SRPK2: variants seen among roughly 807,000 people sequenced by gnomAD.
SRPK2 encodes SRSF protein kinase 2.
SRPK2 carries 21 observed loss-of-function variants against 90.8 expected under a neutral mutation model. The observed-to-expected ratio is 0.23, with a 90% CI of 0.16 to 0.33. SRPK2 has a LOEUF of 0.33. Among genes scored for constraint, SRPK2 ranks in the 10% least tolerant of loss-of-function variants. The pLI is 1.00. For missense variants in SRPK2, 620 were observed against 869.0 expected, an observed-to-expected ratio of 0.71 and a Z score of 3.60; for synonymous variants, 288 against 311.1, an observed-to-expected ratio of 0.93 and a Z score of 0.78.
intron 2 of SRPK2, among the ~76,000 whole-genome samples, chr7:105,307,950 T>G (rs1001701838): frequency 6.6e-6 from 1 of 152,198 alleles, no homozygotes; most frequent in South Asian, 2.1e-4. Flanking sequence ...GATTCCATCA[T>G]GTATCTCCTA....
At chr7:105,260,264 C>A (rs996518972) in intron 2 of SRPK2, among the ~76,000 whole-genome samples, 7 of 152,106 alleles carry the variant, frequency 4.6e-5, no homozygotes, top group African/African-American at 1.7e-4. Context: ...TTTATGCAGC[C>A]AGAAGACACA....
intron 1 of SRPK2, among the ~76,000 whole-genome samples, chr7:105,398,954 T>A (rs1822399517): frequency 6.6e-6 from 1 of 152,216 alleles, no homozygotes; most frequent in South Asian, 2.1e-4. Flanking sequence ...ATAAAATACT[T>A]GGAGGAGTAC....
intron 7 of SRPK2, among the ~76,000 whole-genome samples, chr7:105,155,135 C>G (rs1415323894): frequency 6.6e-6 from 1 of 152,140 alleles, no homozygotes; most frequent in Non-Finnish European, 1.5e-5. Flanking sequence ...TATGTGCCAC[C>G]ACTCCCAGCT....
chr7:105,224,887 T>A (rs569999591), intron 2 of SRPK2, among the ~76,000 whole-genome samples: 2 of 152,344 alleles, frequency 1.3e-5, no homozygotes, highest in African/African-American at 4.8e-5. Flanking sequence ...GTTAAACTTC[T>A]CATGATAAAA....
At chr7:105,138,062 C>T (rs1158260627) in intron 11 of SRPK2, among the ~76,000 whole-genome samples, 1 of 152,188 alleles carries the variant, frequency 6.6e-6, no homozygotes, top group Non-Finnish European at 1.5e-5. Context: ...CTCTTCAAGA[C>T]CTCCAGTTTC....
In SRPK2 at chr7:105,215,360, G is replaced by A. The variant is rs1001356915; in HGVS notation, c.72-11575C>T. 9.2e-5 allele frequency among the ~76,000 whole-genome samples: 14 copies of A among 152,004 alleles called. 1 individual carries two copies. Among genetic ancestry groups the A allele is most frequent in the African/African-American group, 2.9e-4 (12 of 41,310 alleles). Reference sequence around the variant, plus strand: ...AGACAGATAACGAGACGTCAGTGACGTACAAAACAAGAGAACCCACAAGTA... The same window carrying A: ...AGACAGATAACGAGACGTCAGTGACATACAAAACAAGAGAACCCACAAGTA... On this transcript the variant is annotated intron_variant, in intron 2 of 15. Coordinates refer to ENST00000393651, the MANE Select transcript of SRPK2 (RefSeq NM_182692.3).
chr7:105,328,354 G>A (rs1158999603), intron 2 of SRPK2, among the ~76,000 whole-genome samples: 1 of 151,726 alleles, frequency 6.6e-6, no homozygotes, highest in African/African-American at 2.4e-5. Flanking sequence ...TTGAAGTCAA[G>A]AGTTTGAGAC....
chr7:105,277,966 T>C (rs903169686), intron 2 of SRPK2, among the ~76,000 whole-genome samples: 1 of 152,162 alleles, frequency 6.6e-6, no homozygotes, highest in African/African-American at 2.4e-5. Context: ...GTTATGAGGT[T>C]TGTAAATGAA....
chr7:105,234,222 T>C (rs1799865446), intron 2 of SRPK2, among the ~76,000 whole-genome samples: 1 of 152,200 alleles, frequency 6.6e-6, no homozygotes, highest in Non-Finnish European at 1.5e-5. Context: ...TACTAGTAGT[T>C]GCCACTGGAA....
In SRPK2 at chr7:105,176,561, G is replaced by C. The variant is rs10953469; in HGVS notation, c.230-7296C>G. On this transcript the variant is annotated intron_variant, in intron 3 of 15. Transcript: ENST00000393651. ...GATGTATGTGGTTTTGCATATATGT[G>C]TGTGTGTGTGTGTGTGTGTATGTAT... Among the ~76,000 whole-genome samples the C allele has an allele frequency of 9.9e-4, 83 of 84,238 alleles. 1 individual carries two copies. The highest frequency in any genetic ancestry group is 2.4e-3 in the South Asian group (5 of 2,088). 55.3% of individuals were successfully genotyped at this position (84,238 alleles called of 152,430 possible).
At chr7:105,256,023 C>A (rs12538590) in intron 2 of SRPK2, among the ~76,000 whole-genome samples, 65,741 of 151,770 alleles carry the variant, frequency 0.43, 15,600 homozygotes, top group South Asian at 0.53. Context: ...GAATTTTGTA[C>A]TGTTATTTTA....
chr7:105,195,841 A>G lies in SRPK2; in HGVS notation c.229+7787T>C, dbSNP rs573798094. ...TGAGCAGTCTATTCATTCAGTCACTATTCAGCAGGCCACAGATTGTTCTAC... is the reference window on the plus strand; with the variant it reads ...TGAGCAGTCTATTCATTCAGTCACTGTTCAGCAGGCCACAGATTGTTCTAC... On this transcript the variant is annotated intron_variant, in intron 3 of 15. Transcript: ENST00000393651. Among the ~76,000 whole-genome samples the G allele has an allele frequency of 2.0e-5, 3 of 152,356 alleles. No homozygotes were observed. In the East Asian group the frequency reaches 5.8e-4, roughly 29 times the overall value.
At chr7:105,384,495 A>G (rs1350736273) in intron 2 of SRPK2, among the ~76,000 whole-genome samples, 1 of 152,224 alleles carries the variant, frequency 6.6e-6, no homozygotes, top group African/African-American at 2.4e-5. Flanking sequence ...TTGTATATAC[A>G]AAAGTAGATA....
intron 2 of SRPK2, among the ~76,000 whole-genome samples, chr7:105,286,912 T>C (rs981201238): frequency 1.3e-5 from 2 of 152,110 alleles, no homozygotes; most frequent in Non-Finnish European, 2.9e-5. Context: ...CAGCAAGTAA[T>C]GAATAGCCGT....
At chr7:105,298,812 C>G in intron 2 of SRPK2, 1 of 985,146 alleles carries the variant, frequency 1.0e-6, no homozygotes, top group Non-Finnish European at 1.2e-6. Context: ...GAGGGCTTCA[C>G]GCAGCCCTGC....
intron 2 of SRPK2, among the ~76,000 whole-genome samples, chr7:105,371,586 C>A (rs1264325317): frequency 0.023 from 2,417 of 106,530 alleles, no homozygotes; most frequent in African/African-American, 0.038. Context: ...CCCATCTCTA[C>A]AAAAAAAAAA....
At chr7:105,359,454 G>A (rs13226540) in intron 2 of SRPK2, among the ~76,000 whole-genome samples, 43,032 of 151,882 alleles carry the variant, frequency 0.28, 6,603 homozygotes, top group Middle Eastern at 0.36. Flanking sequence ...CACTGTGCCA[G>A]GCCCACAGCA....
rs368616218 is a variant in SRPK2, at chr7:105,118,019, T to A, written c.1919A>T (p.Glu640Val). 1 of 1,613,418 alleles carries A rather than the reference T, an allele frequency of 6.2e-7. No individual in the cohort carries two copies. Among genetic ancestry groups the A allele is most frequent in the African/African-American group, 1.3e-5 (1 of 74,844 alleles). ...CTTCAGCTTGGTGATGTGTCGCAGTTCTCCTACAGGGGAAAAAACAGGCCA... is the reference window on the plus strand; with the variant it reads ...CTTCAGCTTGGTGATGTGTCGCAGTACTCCTACAGGGGAAAAAACAGGCCA... The part of the protein sequence containing the change: ...YSREFFNRRG[E>V]LRHITKLKPW... The change falls in exon 16 of 16, where the codon GAA (glutamate) becomes GTA (valine). Residue 640 changes from glutamate (E) to valine (V), a missense_variant. Coordinates refer to ENST00000393651, the MANE Select transcript of SRPK2 (RefSeq NM_182692.3).
intron 15 of SRPK2, 53 bp downstream of exon 15, chr7:105,126,195 G>T: frequency 7.3e-7 from 1 of 1,378,036 alleles, no homozygotes. Flanking sequence ...ATCAGCAGCT[G>T]CTCTTCAGTT....
Sources: allele counts gnomAD v4.1 joint callset (sites outside exome capture counted in the v4.1 genomes callset), GRCh38; gene constraint gnomAD v4.1.1; transcripts MANE v1.5; gene names NCBI Gene and HGNC (gene_info 2026-07-23, HGNC 2026-07-21).